The following EIF4EBP3 variants were observed in gnomAD, a reference collection of about 807,000 sequenced individuals.
EIF4EBP3 encodes the protein eukaryotic translation initiation factor 4E binding protein 3.
A neutral mutation model predicts 12.1 loss-of-function variants in EIF4EBP3; 11 were observed. That is an observed-to-expected ratio of 0.91 (90% confidence interval 0.57 to 1.51). The LOEUF (loss-of-function observed/expected upper bound fraction) is 1.51, where lower values mean the gene tolerates loss of function less well. Among genes scored for constraint, EIF4EBP3 ranks in the 40% most tolerant of loss-of-function variants. The pLI is 0.00. For missense variants in EIF4EBP3, 136 were observed against 131.8 expected (o/e 1.03, Z -0.16); for synonymous variants, 43 against 54.2 (o/e 0.79, Z 0.91).
rs753147013 is a variant in EIF4EBP3 at position 140,547,711 on chromosome 5, G to T, written c.-27G>T. On this transcript the variant is annotated 5_prime_UTR_variant, in exon 1 of 3. Coordinates refer to ENST00000310331, the MANE Select transcript of EIF4EBP3 (RefSeq NM_003732.3). ...CGCTCCTCGACCTCAACGCCAGGCGGTTACTTTGCTGCTCCTCCCGCTCGC... is the reference window on the plus strand; with the variant it reads ...CGCTCCTCGACCTCAACGCCAGGCGTTTACTTTGCTGCTCCTCCCGCTCGC... The T allele has an allele frequency of 6.5e-7, 1 of 1,542,188 alleles. No individual in the cohort carries two copies. Among genetic ancestry groups the T allele is most frequent in the South Asian group, 1.2e-5 (1 of 83,744 alleles).
intron 1 of EIF4EBP3, 119 bp downstream of exon 1, chr5:140,547,959 G>A: frequency 1.3e-6 from 1 of 791,762 alleles, no homozygotes; most frequent in South Asian, 2.5e-5. Context: ...TCTACAGGTT[G>A]TAGCTTTGGG....
chr5:140,548,753 G>A (rs1046067569), intron 1 of EIF4EBP3, among the ~76,000 whole-genome samples, 153 bp from the exon 2 acceptor site: 19 of 152,264 alleles, frequency 1.2e-4, no homozygotes, highest in African/African-American at 4.6e-4. Context: ...TGTCTGCTGA[G>A]AACCTAGCTG....
At chr5:140,548,796 G>A in intron 1 of EIF4EBP3, 110 bp from the exon 2 acceptor site, 2 of 1,437,688 alleles carry the variant, frequency 1.4e-6, no homozygotes, top group Non-Finnish European at 9.3e-7. Context: ...GATACACAGG[G>A]AAATTTGACA....
rs1754411059 is a variant in EIF4EBP3 at position 140,547,693 on chromosome 5, C to G, written c.-45C>G. The G allele has an allele frequency of 6.6e-7, 1 of 1,513,250 alleles. No individual in the cohort carries two copies. Among genetic ancestry groups the G allele is most frequent in the South Asian group, 1.2e-5 (1 of 82,902 alleles). The allele number at this position is 1,513,250 out of a possible 1,614,324, so 93.7% of individuals were successfully genotyped here. A position where few individuals can be genotyped will look rare whatever the true frequency, so the allele number is the denominator to read the frequency against. On this transcript the variant is annotated 5_prime_UTR_variant, in exon 1 of 3. Coordinates refer to ENST00000310331, the MANE Select transcript of EIF4EBP3 (RefSeq NM_003732.3). Reference sequence around the variant, plus strand: ...GCCTCAGACTCAGAGCTGCGCTCCTCGACCTCAACGCCAGGCGGTTACTTT... The same window carrying G: ...GCCTCAGACTCAGAGCTGCGCTCCTGGACCTCAACGCCAGGCGGTTACTTT...
Position 140,547,806 on chromosome 5 carries a change from G to T in EIF4EBP3, c.69G>T (p.Thr23=). The T allele has an allele frequency of 6.5e-7, 1 of 1,527,010 alleles. No homozygotes were observed. The highest frequency in any genetic ancestry group is 8.8e-7 in the Non-Finnish European group (1 of 1,134,858). The allele number at this position is 1,527,010 out of a possible 1,614,324, so 94.6% of individuals were successfully genotyped here. ...RDQLPDCYST[T]PGGTLYATTP... ...AGCTGCCCGACTGCTACAGCACCACGCCGGGGGGCACGCTATACGCCACTA... is the reference window on the plus strand; with the variant it reads ...AGCTGCCCGACTGCTACAGCACCACTCCGGGGGGCACGCTATACGCCACTA... Residue 23 remains threonine, a synonymous_variant, in exon 1 of 3, where the codon ACG becomes ACT. Transcript: ENST00000310331.
chr5:140,549,075 C>G lies in EIF4EBP3; in HGVS notation c.273C>G (p.Pro91=), dbSNP rs537672999. The G allele has an allele frequency of 2.5e-6, 4 of 1,613,974 alleles. No individual in the cohort carries two copies. The highest frequency in any genetic ancestry group is 2.2e-5 in the South Asian group (2 of 91,068). The change falls in exon 2 of 3, where the codon CCC becomes CCG. Residue 91 remains proline, a splice_region_variant and synonymous_variant. Coordinates refer to ENST00000310331, the MANE Select transcript of EIF4EBP3 (RefSeq NM_003732.3). ...LKEQETEEEI[P]DDAQFEMDI ...AGCAGGAGACAGAGGAAGAGATACCCGGTAAGGAAAGCAGGAATTAAGAAT... is the reference window on the plus strand; with the variant it reads ...AGCAGGAGACAGAGGAAGAGATACCGGGTAAGGAAAGCAGGAATTAAGAAT...
At chr5:140,548,773 G>A in intron 1 of EIF4EBP3, 133 bp from the exon 2 acceptor site, 1 of 1,283,114 alleles carries the variant, frequency 7.8e-7, no homozygotes, top group East Asian at 2.5e-5. Context: ...GGGCTTCAGA[G>A]CCGATGTCCT....
At position 140,549,235 on chromosome 5, in the gene EIF4EBP3, T is replaced by G. The variant is rs1406911328; in HGVS notation, c.276T>G (p.Asp92Glu). Residue 92 changes from aspartate (D) to glutamate (E), a missense_variant and splice_region_variant, in exon 3 of 3, where the codon GAT becomes GAG. Coordinates refer to ENST00000310331, the MANE Select transcript of EIF4EBP3 (RefSeq NM_003732.3). ...TCTTCCTGCCTTTTCTCTCTCCAGA[T>G]GACGCACAATTTGAAATGGACATCT... ...KEQETEEEIP[D>E]DAQFEMDI is the part of the protein sequence containing the mutation. 2.5e-6 allele frequency: 4 copies of G among 1,614,090 alleles called. No individual in the cohort carries two copies. Among genetic ancestry groups the G allele is most frequent in the African/African-American group, 1.3e-5 (1 of 74,918 alleles).
At chr5:140,548,721 G>C (rs1295399584) in intron 1 of EIF4EBP3, among the ~76,000 whole-genome samples, 185 bp from the exon 2 acceptor site, 1 of 152,184 alleles carries the variant, frequency 6.6e-6, no homozygotes, top group African/African-American at 2.4e-5. Flanking sequence ...AGGTCTGGAA[G>C]ATTTTAAGCA....
Position 140,547,777 on chromosome 5 carries a change from G to A in EIF4EBP3, c.40G>A (p.Asp14Asn). ...STSCPIPGGR[D>N]QLPDCYSTTP... ...TAGCTGCCCGATTCCCGGGGGCCGG[G>A]ACCAGCTGCCCGACTGCTACAGCAC... The change falls in exon 1 of 3, where the codon GAC becomes AAC. Residue 14 changes from aspartate to asparagine, a missense_variant. Transcript: ENST00000310331. The A allele has an allele frequency of 6.5e-7, 1 of 1,541,606 alleles. No homozygotes were observed. The highest frequency in any genetic ancestry group is 8.8e-7 in the Non-Finnish European group (1 of 1,142,026).
At chr5:140,548,857 C>T in intron 1 of EIF4EBP3, 49 bp from the exon 2 acceptor site, 1 of 1,572,738 alleles carries the variant, frequency 6.4e-7, no homozygotes, top group Non-Finnish European at 8.6e-7. Context: ...CCCCAGTCAC[C>T]TCGGTACCCA....
chr5:140,548,269 C>T (rs1754431127), intron 1 of EIF4EBP3, among the ~76,000 whole-genome samples: 2 of 152,210 alleles, frequency 1.3e-5, no homozygotes, highest in South Asian at 2.1e-4. Context: ...GGCGAGCAGC[C>T]TGGGATCACG....
At position 140,547,681 on chromosome 5, in the gene EIF4EBP3, A is replaced by G; in HGVS notation, c.-57A>G. On this transcript the variant is annotated 5_prime_UTR_variant, in exon 1 of 3. Coordinates refer to ENST00000310331, the MANE Select transcript of EIF4EBP3 (RefSeq NM_003732.3). ...TCGGCTGAGTCCGCCTCAGACTCAGAGCTGCGCTCCTCGACCTCAACGCCA... is the reference window on the plus strand; with the variant it reads ...TCGGCTGAGTCCGCCTCAGACTCAGGGCTGCGCTCCTCGACCTCAACGCCA... 6.8e-7 allele frequency: 1 copy of G among 1,467,156 alleles called. No homozygotes were observed. Among genetic ancestry groups the G allele is most frequent in the Middle Eastern group, 1.7e-4 (1 of 5,818 alleles). 90.9% of individuals were successfully genotyped at this position (1,467,156 alleles called of 1,614,324 possible). A position where few individuals can be genotyped will look rare whatever the true frequency, so the allele number is the denominator to read the frequency against.
intron 1 of EIF4EBP3, among the ~76,000 whole-genome samples, chr5:140,548,441 C>G (rs1754436763): frequency 6.6e-6 from 1 of 152,204 alleles, no homozygotes; most frequent in African/African-American, 2.4e-5. Context: ...GTTTCTCCTC[C>G]CTGCAGGAGA....
At position 140,549,484 on chromosome 5, in the gene EIF4EBP3, ACTC is replaced by A. The variant is rs943481842; in HGVS notation, c.*228_*230del. ...CTCTACTTCCTCTTCAGTCTGTGGT[ACTC>A]CTCCTAACCCTAAACCCTCTATGCT... On this transcript the variant is annotated 3_prime_UTR_variant, in exon 3 of 3. Coordinates refer to ENST00000310331, the MANE Select transcript of EIF4EBP3 (RefSeq NM_003732.3). 12 of 660,728 alleles carry A rather than the reference ACTC, an allele frequency of 1.8e-5. No homozygotes were observed. Among genetic ancestry groups the A allele is most frequent in the East Asian group, 1.4e-4 (5 of 36,032 alleles). 40.9% of individuals were successfully genotyped at this position (660,728 alleles called of 1,614,324 possible). A position where few individuals can be genotyped will look rare whatever the true frequency, so the allele number is the denominator to read the frequency against.
chr5:140,549,430 T>C lies in EIF4EBP3; in HGVS notation c.*168T>C, dbSNP rs1561854500. 4.3e-6 allele frequency: 5 copies of C among 1,153,410 alleles called. No individual in the cohort carries two copies. The East Asian group carries it at 1.2e-4, about 28-fold the overall frequency. The allele number at this position is 1,153,410 out of a possible 1,614,324, so 71.4% of individuals were successfully genotyped here. ...AGTTCTGAGGCAGCTAGACCAGGGA[T>C]AGGAGTGGGCAACTTGCCAAGCCCT... is the stretch of plus-strand genomic sequence containing the variant. On this transcript the variant is annotated 3_prime_UTR_variant, in exon 3 of 3. Transcript: ENST00000310331.
chr5:140,549,435 G>T lies in EIF4EBP3; in HGVS notation c.*173G>T. 1 of 1,079,144 alleles carries T rather than the reference G, an allele frequency of 9.3e-7. No individual in the cohort carries two copies. The highest frequency in any genetic ancestry group is 2.1e-5 in the Admixed American group (1 of 48,634). The allele number at this position is 1,079,144 out of a possible 1,614,324, so 66.8% of individuals were successfully genotyped here. A position where few individuals can be genotyped will look rare whatever the true frequency, so the allele number is the denominator to read the frequency against. ...TGAGGCAGCTAGACCAGGGATAGGA[G>T]TGGGCAACTTGCCAAGCCCTTAACT... On this transcript the variant is annotated 3_prime_UTR_variant, in exon 3 of 3. Transcript: ENST00000310331.
chr5:140,549,154 C>T lies in EIF4EBP3; in HGVS notation c.274+78C>T, dbSNP rs1275884228. On this transcript the variant is annotated intron_variant, in intron 2 of 2. Transcript: ENST00000310331. ...TGTGACACAGTGCGGGGGTTCAGTT[C>T]CAAGAGGGGTTTCTGCACTGATGCT... 3.7e-6 allele frequency: 6 copies of T among 1,614,036 alleles called. No homozygotes were observed. The East Asian group carries it at 6.7e-5, about 18-fold the overall frequency.
chr5:140,548,738 AG>A (rs1754447375), intron 1 of EIF4EBP3, among the ~76,000 whole-genome samples, 167 bp from the exon 2 acceptor site: 1 of 152,126 alleles, frequency 6.6e-6, no homozygotes. Context: ...AGCACTATGA[AG>A]GCTTGTCTGC....
Sources: gnomAD v4.1 joint callset for allele counts (sites outside exome capture counted in the v4.1 genomes callset) on GRCh38, gnomAD v4.1.1 for gene constraint, MANE v1.5 for transcripts, NCBI Gene and HGNC (gene_info 2026-07-23, HGNC 2026-07-21) for gene names.